Variants in EPHA6 observed in about 807,000 individuals in gnomAD.
EPHA6 encodes ephrin type-A receptor 6.
In EPHA6, 50 loss-of-function variants were observed where a neutral mutation model predicts 112.0. That is an observed-to-expected ratio of 0.45 (90% confidence interval 0.36 to 0.56). EPHA6 has a LOEUF of 0.56. Among genes scored for constraint, EPHA6 ranks in the 20% least tolerant of loss-of-function variants. The pLI, the probability that EPHA6 is intolerant of heterozygous loss-of-function variation, is 0.00. For synonymous variants in EPHA6, 529 were observed against 490.7 expected, an observed-to-expected ratio of 1.08 and a Z score of -1.03; for missense variants, 1,280 against 1,417.4, an observed-to-expected ratio of 0.90 and a Z score of 1.56.
At chr3:97,184,844 A>G (rs370626439) in intron 3 of EPHA6, among the ~76,000 whole-genome samples, 1 of 152,226 alleles carries the variant, frequency 6.6e-6, no homozygotes, top group Non-Finnish European at 1.5e-5. Context: ...CCAAAATAGT[A>G]TGGTACTGTT....
intron 5 of EPHA6, among the ~76,000 whole-genome samples, chr3:97,328,246 A>G (rs2082581863): frequency 6.6e-6 from 1 of 151,760 alleles, no homozygotes; most frequent in Non-Finnish European, 1.5e-5. Flanking sequence ...CCTTATGGAA[A>G]CTGCATGTTT....
rs74283804 is a variant in EPHA6, at chr3:96,814,810, G to A, written c.187G>A (p.Glu63Lys). Residue 63 changes from glutamate to lysine, a missense_variant, in exon 1 of 18, where the codon GAA becomes AAA. By Grantham distance (56) the Glu-to-Lys change is moderately conservative (BLOSUM62 1). Transcript: ENST00000389672. The part of the protein sequence containing the change: ...RVEEEEEEEE[E>K]DVDKDPHPTQ... ...GGAGGAGGAAGAGGAGGAGGAGGAA[G>A]AAGACGTGGACAAGGACCCCCATCC... 6.3e-7 allele frequency: 1 copy of A among 1,598,926 alleles called. No individual in the cohort carries two copies. Among genetic ancestry groups the A allele is most frequent in the Non-Finnish European group, 8.5e-7 (1 of 1,171,954 alleles).
intron 3 of EPHA6, among the ~76,000 whole-genome samples, chr3:97,158,632 G>C (rs925806198): frequency 3.9e-5 from 6 of 151,962 alleles, no homozygotes; most frequent in African/African-American, 7.2e-5. Context: ...ATGTAAGAAG[G>C]GGGTAGGGAA....
chr3:96,972,167 A>G (rs1240013492), intron 2 of EPHA6, among the ~76,000 whole-genome samples: 1 of 152,070 alleles, frequency 6.6e-6, no homozygotes, highest in Non-Finnish European at 1.5e-5. Context: ...CACTTGTTAT[A>G]TTCTATTTTC....
At chr3:97,371,962 C>T (rs759175243) in intron 5 of EPHA6, among the ~76,000 whole-genome samples, 12 of 152,250 alleles carry the variant, frequency 7.9e-5, no homozygotes, top group Middle Eastern at 3.4e-3. Context: ...TGCTCTCAAA[C>T]GCTCTCTCCT....
chr3:96,998,345 A>G (rs185900925), intron 3 of EPHA6, among the ~76,000 whole-genome samples: 2 of 152,124 alleles, frequency 1.3e-5, no homozygotes, highest in African/African-American at 4.8e-5. Flanking sequence ...ACATCAATAT[A>G]TAGTAACAGT....
chr3:97,272,566 G>A (rs2079923108), intron 5 of EPHA6, among the ~76,000 whole-genome samples: 1 of 152,114 alleles, frequency 6.6e-6, no homozygotes, highest in Non-Finnish European at 1.5e-5. Context: ...AAGAGAGTCA[G>A]CGAAGGGAGC....
chr3:96,820,072 T>C (rs1027098016), intron 1 of EPHA6, among the ~76,000 whole-genome samples: 5 of 151,948 alleles, frequency 3.3e-5, no homozygotes, highest in African/African-American at 7.2e-5. Flanking sequence ...TAACATATAG[T>C]GGAAACTGAC....
chr3:97,601,949 T>C (rs186699918), intron 12 of EPHA6, among the ~76,000 whole-genome samples: 1 of 152,194 alleles, frequency 6.6e-6, no homozygotes, highest in Admixed American at 6.5e-5. Flanking sequence ...TAATAAGACA[T>C]TTTTCAAGCC....
At chr3:96,977,346 T>C (rs973685646) in intron 2 of EPHA6, among the ~76,000 whole-genome samples, 3 of 152,100 alleles carry the variant, frequency 2.0e-5, no homozygotes, top group African/African-American at 7.2e-5. Context: ...TGTGGAATGA[T>C]AGACAATGGA....
intron 3 of EPHA6, among the ~76,000 whole-genome samples, chr3:97,026,121 A>ATTTT (rs3038599): frequency 8.6e-6 from 1 of 116,028 alleles, no homozygotes; most frequent in Non-Finnish European, 1.9e-5. Flanking sequence ...TATGTGTCTG[A>ATTTT]TTTTTTTTTT....
intron 6 of EPHA6, among the ~76,000 whole-genome samples, chr3:97,446,168 CAGG>C (rs1234636225): frequency 1.3e-5 from 2 of 152,182 alleles, no homozygotes; most frequent in East Asian, 3.9e-4. Context: ...TTAAAAACAC[CAGG>C]AGGAGAGAGG....
chr3:97,224,978 CG>C (rs2078310591), intron 3 of EPHA6, among the ~76,000 whole-genome samples: 1 of 151,458 alleles, frequency 6.6e-6, no homozygotes, highest in Admixed American at 6.6e-5. Flanking sequence ...TGTTTTGAGA[CG>C]GAGTCTCGCT....
intron 2 of EPHA6, among the ~76,000 whole-genome samples, chr3:96,962,841 AAG>A (rs1037512413): frequency 5.3e-5 from 8 of 152,002 alleles, no homozygotes; most frequent in Non-Finnish European, 8.8e-5. Context: ...TTAGCTGAGT[AAG>A]AGAAAAACAA....
intron 6 of EPHA6, among the ~76,000 whole-genome samples, chr3:97,419,643 A>G (rs756122754): frequency 6.6e-6 from 1 of 150,864 alleles, no homozygotes; most frequent in Non-Finnish European, 1.5e-5. Flanking sequence ...ACACACACAC[A>G]AGAATTTAAC....
At chr3:97,614,305 G>C (rs979659378) in intron 13 of EPHA6, among the ~76,000 whole-genome samples, 1 of 150,116 alleles carries the variant, frequency 6.7e-6, no homozygotes, top group African/African-American at 2.4e-5. Context: ...GTGCAAGATG[G>C]TGTGTTCATG....
chr3:97,651,724 T>A (rs113493138), intron 14 of EPHA6, among the ~76,000 whole-genome samples: 9 of 152,184 alleles, frequency 5.9e-5, no homozygotes, highest in South Asian at 2.1e-4. Flanking sequence ...CTATATTGAT[T>A]TACTGAGAAA....
chr3:97,290,532 T>G (rs1314928217), intron 5 of EPHA6, among the ~76,000 whole-genome samples: 1 of 152,162 alleles, frequency 6.6e-6, no homozygotes, highest in African/African-American at 2.4e-5. Context: ...AGTAGGGTAT[T>G]GAAACCCATG....
At chr3:97,296,184 G>A (rs1004728866) in intron 5 of EPHA6, among the ~76,000 whole-genome samples, 6 of 151,978 alleles carry the variant, frequency 3.9e-5, no homozygotes, top group Admixed American at 1.3e-4. Flanking sequence ...TGGGTGGGCC[G>A]GTCCCCAGAC....
Sources: gnomAD v4.1 joint callset for allele counts (sites outside exome capture counted in the v4.1 genomes callset) on GRCh38, gnomAD v4.1.1 for gene constraint, MANE v1.5 for transcripts, NCBI Gene and HGNC (gene_info 2026-07-23, HGNC 2026-07-21) for gene names.